Variants in ZKSCAN4 observed in about 807,000 individuals in gnomAD.
ZKSCAN4 encodes zinc finger with KRAB and SCAN domains 4, also known as zinc finger protein with KRAB and SCAN domains 4.
In ZKSCAN4, 23 loss-of-function variants were observed where a neutral mutation model predicts 30.8. The ratio of observed to expected loss-of-function variants is 0.75; its 90% confidence interval spans 0.54 to 1.06. The LOEUF is 1.06. Among genes scored for constraint, ZKSCAN4 ranks in the 50% least tolerant of loss-of-function variants. The probability of loss-of-function intolerance (pLI) is 0.00; values close to 1 mark genes in which losing one functional copy is unlikely to be tolerated. For synonymous variants in ZKSCAN4, 208 were observed against 252.5 expected (o/e 0.82, Z 1.67); for missense variants, 556 against 665.4 (o/e 0.84, Z 1.81).
chr6:28,254,903 TG>T (rs1203360742), upstream of ZKSCAN4, among the ~76,000 whole-genome samples: 2 of 152,244 alleles, frequency 1.3e-5, no homozygotes, highest in African/African-American at 4.8e-5. Flanking sequence ...AGACTTTGTA[TG>T]GCACTTCTGA....
chr6:28,251,570 C>T lies in ZKSCAN4; in HGVS notation c.411G>A (p.Glu137=). 1 of 1,614,206 alleles carries T rather than the reference C, an allele frequency of 6.2e-7. No individual in the cohort carries two copies. Among genetic ancestry groups the T allele is most frequent in the Non-Finnish European group, 8.5e-7 (1 of 1,180,022 alleles). The change falls in exon 1 of 5, where the codon GAG becomes GAA. Residue 137 remains glutamate, a synonymous_variant. Transcript: ENST00000377294. This position sits in a 1 kb window ranked among gnomAD's most constrained non-coding sequence, Gnocchi z 4.5. The stretch of plus-strand genomic sequence containing the variant: ...CTGTTCTTTCTACCTGCGGCGCCGG[C>T]TCATCCAGCTGCCTCTCCAAATACT... ...LLEYLERQLD[E]PAPQVPVGDQ... is the part of the protein sequence containing the mutation.
chr6:28,258,680 A>G, the ZKSCAN4 span, among the ~76,000 whole-genome samples: 2 of 151,390 alleles, frequency 1.3e-5, no homozygotes, highest in African/African-American at 4.9e-5. Context: ...CCTCGGGAGG[A>G]TCTCTTGAAC....
At chr6:28,254,092 T>G (rs968426439), upstream of ZKSCAN4, among the ~76,000 whole-genome samples, 1 of 152,192 alleles carries the variant, frequency 6.6e-6, no homozygotes, top group Non-Finnish European at 1.5e-5. Flanking sequence ...GCCCCAAAAT[T>G]AGGGCTTAGC....
At position 28,251,851 on chromosome 6, in the gene ZKSCAN4, T is replaced by C; in HGVS notation, c.130A>G (p.Ser44Gly). 1 of 1,598,136 alleles carries C rather than the reference T, an allele frequency of 6.3e-7. No homozygotes were observed. Among genetic ancestry groups the C allele is most frequent in the Non-Finnish European group, 8.5e-7 (1 of 1,172,236 alleles). Residue 44 changes from serine to glycine, a missense_variant, in exon 1 of 5, where the codon AGC (serine) becomes GGC (glycine). Transcript: ENST00000377294. This position sits in a 1 kb window ranked among gnomAD's most constrained non-coding sequence, Gnocchi z 4.5. The stretch of plus-strand genomic sequence containing the variant: ...GAGCGTTCGGGGCCCCGAGCAGGGC[T>C]GCAGGGTGCTCTCACCTCCGCCGTC... Reference protein sequence around the residue: ...ALTAEVRAPCSPARGPERSRQ... With the variant: ...ALTAEVRAPCGPARGPERSRQ...
chr6:28,249,886 T>C lies in ZKSCAN4; in HGVS notation c.424-52A>G, dbSNP rs760711766. On this transcript the variant is annotated intron_variant, in intron 1 of 4. Coordinates refer to ENST00000377294, the MANE Select transcript of ZKSCAN4 (RefSeq NM_019110.5). This position sits in a 1 kb window ranked among gnomAD's most constrained non-coding sequence, Gnocchi z 4.1. The stretch of plus-strand genomic sequence containing the variant: ...ACCCAACATTTCTATGTTTTCCATG[T>C]GCAAGTGATTTCTATTTTCTAGGCA... 370 of 1,596,382 alleles carry C rather than the reference T, an allele frequency of 2.3e-4. 2 individuals carry two copies. The highest frequency in any genetic ancestry group is 3.0e-4 in the Non-Finnish European group (356 of 1,169,416).
At position 28,245,519 on chromosome 6, in the gene ZKSCAN4, G is replaced by T; in HGVS notation, c.1235C>A (p.Thr412Asn). Residue 412 changes from threonine (T) to asparagine (N), a missense_variant, in exon 5 of 5, where the codon ACC (threonine) becomes AAC (asparagine). This residue lies in a region of ZKSCAN4 where 433 missense variants were observed against 511.5 expected (regional missense o/e 0.85). Transcript: ENST00000377294. ...AAGGAGGCTGCAGCTCTGGCTGAAGGTCTTCCCACAGTCATCACACTCATA... is the reference window on the plus strand; with the variant it reads ...AAGGAGGCTGCAGCTCTGGCTGAAGTTCTTCCCACAGTCATCACACTCATA... ...KPYECDDCGK[T>N]FSQSCSLLEH... is the part of the protein sequence containing the mutation. 2 of 1,614,150 alleles carry T rather than the reference G, an allele frequency of 1.2e-6. No individual in the cohort carries two copies. Among genetic ancestry groups the T allele is most frequent in the Non-Finnish European group, 1.7e-6 (2 of 1,180,030 alleles).
At position 28,245,947 on chromosome 6, in the gene ZKSCAN4, G is replaced by A. The variant is rs1397615146; in HGVS notation, c.807C>T (p.Asp269=). 2 of 1,614,100 alleles carry A rather than the reference G, an allele frequency of 1.2e-6. No individual in the cohort carries two copies. Among genetic ancestry groups the A allele is most frequent in the Admixed American group, 3.3e-5 (2 of 60,006 alleles). The change falls in exon 5 of 5, where the codon GAC becomes GAT. Residue 269 remains aspartate (D), a synonymous_variant. Transcript: ENST00000377294. ...LGGEIQTKSR[D]LPPVKKLPEK... The stretch of plus-strand genomic sequence containing the variant: ...CTGGAAGCTTCTTGACTGGAGGCAA[G>A]TCCCTGCTCTTAGTCTGTATTTCAC...
At position 28,245,069 on chromosome 6, in the gene ZKSCAN4, T is replaced by C; in HGVS notation, c.*47A>G. The C allele has an allele frequency of 1.2e-6, 2 of 1,613,750 alleles. No individual in the cohort carries two copies. The highest frequency in any genetic ancestry group is 1.7e-6 in the Non-Finnish European group (2 of 1,179,884). ...AACCATTAAGGGCTCCAGGGTGGCT[T>C]CAGTTCAGTGACAAATGAGCACCAA... On this transcript the variant is annotated 3_prime_UTR_variant, in exon 5 of 5. Coordinates refer to ENST00000377294, the MANE Select transcript of ZKSCAN4 (RefSeq NM_019110.5).
At chr6:28,257,351 G>A in the ZKSCAN4 span, among the ~76,000 whole-genome samples, 5 of 152,110 alleles carry the variant, frequency 3.3e-5, no homozygotes, top group Non-Finnish European at 7.4e-5. Context: ...AGAACACATG[G>A]ACACAGCGAG....
chr6:28,245,951 C>T lies in ZKSCAN4; in HGVS notation c.803G>A (p.Arg268Lys). The T allele has an allele frequency of 6.2e-7, 1 of 1,614,220 alleles. No homozygotes were observed. The highest frequency in any genetic ancestry group is 8.5e-7 in the Non-Finnish European group (1 of 1,180,044). ...AAGCTTCTTGACTGGAGGCAAGTCC[C>T]TGCTCTTAGTCTGTATTTCACCACC... ...SLGGEIQTKS[R>K]DLPPVKKLPE... is the part of the protein sequence containing the mutation. Residue 268 changes from arginine (R) to lysine (K), a missense_variant, in exon 5 of 5, where the codon AGG becomes AAG. Arg to Lys is a conservative substitution (Grantham distance 26, BLOSUM62 2). Coordinates refer to ENST00000377294, the MANE Select transcript of ZKSCAN4 (RefSeq NM_019110.5).
In ZKSCAN4 at chr6:28,245,811, T is replaced by G; in HGVS notation, c.943A>C (p.Ile315Leu). 6.2e-7 allele frequency: 1 copy of G among 1,614,246 alleles called. No individual in the cohort carries two copies. The change falls in exon 5 of 5, where the codon ATA becomes CTA. Residue 315 changes from isoleucine to leucine, a missense_variant. Physicochemically the swap from Ile to Leu is conservative, Grantham distance 5. Around this residue, in one of 3 missense-constraint regions of ZKSCAN4, gnomAD observed 433 missense variants for 511.5 expected, o/e 0.85. Coordinates refer to ENST00000377294, the MANE Select transcript of ZKSCAN4 (RefSeq NM_019110.5). Reference sequence around the variant, plus strand: ...TGGCAATAATGTCGCCTACTCCCTATGGCATTTTTCTGCTTTCTTTGTAAC... The same window carrying G: ...TGGCAATAATGTCGCCTACTCCCTAGGGCATTTTTCTGCTTTCTTTGTAAC... ...GRLQRKQKNA[I>L]GSRRHYCHEC...
chr6:28,244,795 C>A lies in ZKSCAN4; in HGVS notation c.*321G>T. On this transcript the variant is annotated 3_prime_UTR_variant, in exon 5 of 5. Transcript: ENST00000377294. Reference sequence around the variant, plus strand: ...AGCAGCCCCCCACATCAGAGCCATCCAACCAGATGTCCTAAAGTGCTGGCT... The same window carrying A: ...AGCAGCCCCCCACATCAGAGCCATCAAACCAGATGTCCTAAAGTGCTGGCT... 2.6e-6 allele frequency: 1 copy of A among 389,772 alleles called. No homozygotes were observed. The highest frequency in any genetic ancestry group is 3.8e-5 in the Admixed American group (1 of 26,158). The allele number at this position is 389,772 out of a possible 1,614,324, so 24.1% of individuals were successfully genotyped here.
At chr6:28,258,453 G>A in the ZKSCAN4 span, among the ~76,000 whole-genome samples, 1 of 152,086 alleles carries the variant, frequency 6.6e-6, no homozygotes, top group East Asian at 1.9e-4. Context: ...GTGTTTCTAG[G>A]GTGGAAAAGT....
upstream of ZKSCAN4, among the ~76,000 whole-genome samples, chr6:28,256,018 G>T (rs114113389): frequency 0.014 from 2,087 of 152,306 alleles, 46 homozygotes; most frequent in African/African-American, 0.046. Flanking sequence ...GCATCATAAT[G>T]TCTGCAATTT....
intron 1 of ZKSCAN4, among the ~76,000 whole-genome samples, chr6:28,250,218 C>T (rs1225226084): frequency 1.3e-5 from 2 of 152,130 alleles, no homozygotes; most frequent in Non-Finnish European, 2.9e-5. Flanking sequence ...CAGCCATGTG[C>T]CACCACGCCC....
chr6:28,252,108 A>G lies in ZKSCAN4; in HGVS notation c.-128T>C. 1 of 1,035,164 alleles carries G rather than the reference A, an allele frequency of 9.7e-7. No homozygotes were observed. Among genetic ancestry groups the G allele is most frequent in the Non-Finnish European group, 1.4e-6 (1 of 722,366 alleles). 64.1% of individuals were successfully genotyped at this position (1,035,164 alleles called of 1,614,324 possible). On this transcript the variant is annotated 5_prime_UTR_variant, in exon 1 of 5. Transcript: ENST00000377294. ...CCCCTCCTGTCATGCCCAGGGGCCCAGGACACCCCCTGAGGCGCAGCTGCA... is the reference window on the plus strand; with the variant it reads ...CCCCTCCTGTCATGCCCAGGGGCCCGGGACACCCCCTGAGGCGCAGCTGCA...
rs1001622637 is a variant in ZKSCAN4, at chr6:28,242,432, A to C, written c.*2684T>G. On this transcript the variant is annotated 3_prime_UTR_variant, in exon 5 of 5. Transcript: ENST00000377294. ...ATAAAGTTTCCTAGATAATATTTTG[A>C]TTATAAAATATCATGGCTCCCCAGT... Among the ~76,000 whole-genome samples the C allele has an allele frequency of 1.3e-5, 2 of 152,196 alleles. No homozygotes were observed. The highest frequency in any genetic ancestry group is 2.9e-5 in the Non-Finnish European group (2 of 68,032).
At chr6:28,254,007 G>A (rs1182069927), upstream of ZKSCAN4, among the ~76,000 whole-genome samples, 1 of 152,188 alleles carries the variant, frequency 6.6e-6, no homozygotes, top group Non-Finnish European at 1.5e-5. Flanking sequence ...GGAATTAAAT[G>A]ACACTTTAAA....
At position 28,244,986 on chromosome 6, in the gene ZKSCAN4, A is replaced by G. The variant is rs535880099; in HGVS notation, c.*130T>C. 6.1e-5 allele frequency: 73 copies of G among 1,190,082 alleles called. No homozygotes were observed. The East Asian group carries it at 1.6e-3, about 27-fold the overall frequency. 73.7% of individuals were successfully genotyped at this position (1,190,082 alleles called of 1,614,324 possible). On this transcript the variant is annotated 3_prime_UTR_variant, in exon 5 of 5. Transcript: ENST00000377294. ...TAACTCATCGTCTCAGCCAGACTAC[A>G]TTTTCTAATACCCGATGATGTATAG...
Sources: allele counts gnomAD v4.1 joint callset (sites outside exome capture counted in the v4.1 genomes callset), GRCh38; gene constraint gnomAD v4.1.1; regional missense constraint gnomAD v4.1.1; non-coding constraint Gnocchi (gnomAD v3.1); transcripts MANE v1.5; gene names NCBI Gene and HGNC (gene_info 2026-07-23, HGNC 2026-07-21).